DNAJC12: variants seen among roughly 807,000 people sequenced by gnomAD.
DNAJC12 encodes the protein DnaJ heat shock protein family (Hsp40) member C12.
A neutral mutation model predicts 28.5 loss-of-function variants in DNAJC12; 25 were observed. That is an observed-to-expected ratio of 0.88 (90% confidence interval 0.64 to 1.22). The LOEUF is 1.22. DNAJC12 is among the 50% of genes most tolerant of loss of function. The pLI is 0.00. For missense variants in DNAJC12, 222 were observed against 231.7 expected, an observed-to-expected ratio of 0.96 and a Z score of 0.27; for synonymous variants, 77 against 80.6, an observed-to-expected ratio of 0.95 and a Z score of 0.24.
At chr10:67,805,010 T>A (rs1283671698) in intron 4 of DNAJC12, among the ~76,000 whole-genome samples, 1 of 152,152 alleles carries the variant, frequency 6.6e-6, no homozygotes, top group Non-Finnish European at 1.5e-5. Context: ...CCAGCCTAGA[T>A]GACAGAGTGA....
chr10:67,838,089 T>A lies in DNAJC12; in HGVS notation c.-78A>T. On this transcript the variant is annotated 5_prime_UTR_variant, in exon 1 of 5. It removes the in-frame stop codon of an upstream open reading frame in the 5' UTR. Transcript: ENST00000225171. The stretch of plus-strand genomic sequence containing the variant: ...TTCGAATTAACAGGAAGAAACTCTT[T>A]AAATCTGAATTAGAGCAGCATGTTC... The A allele has an allele frequency of 1.0e-6, 1 of 964,348 alleles. No individual in the cohort carries two copies. Among genetic ancestry groups the A allele is most frequent in the Non-Finnish European group, 1.6e-6 (1 of 623,458 alleles). 59.7% of individuals were successfully genotyped at this position (964,348 alleles called of 1,614,324 possible). A position where few individuals can be genotyped will look rare whatever the true frequency, so the allele number is the denominator to read the frequency against.
intron 1 of DNAJC12, among the ~76,000 whole-genome samples, chr10:67,832,751 A>C (rs531151057): frequency 9.8e-5 from 15 of 152,342 alleles, no homozygotes; most frequent in Admixed American, 9.8e-4. Flanking sequence ...GAGAAGAAAC[A>C]GGACAGTCTC....
intron 1 of DNAJC12, among the ~76,000 whole-genome samples, chr10:67,837,049 A>C (rs748480635): frequency 6.6e-6 from 1 of 151,614 alleles, no homozygotes; most frequent in African/African-American, 2.4e-5. Context: ...CAATAAGAGA[A>C]TAATTCAACT....
chr10:67,818,720 G>A (rs927750976), intron 2 of DNAJC12, among the ~76,000 whole-genome samples: 11 of 151,774 alleles, frequency 7.2e-5, no homozygotes, highest in Non-Finnish European at 1.2e-4. Context: ...GCAGTGGCGC[G>A]ATCTCGGCTC....
intron 1 of DNAJC12, chr10:67,827,831 A>G (rs1490423091): frequency 6.6e-6 from 1 of 152,204 alleles, no homozygotes; most frequent in Non-Finnish European, 1.5e-5. Flanking sequence ...AAAAATTAAG[A>G]AAGTCTATAT....
At chr10:67,816,785 G>T (rs1307731438) in intron 2 of DNAJC12, among the ~76,000 whole-genome samples, 1 of 152,118 alleles carries the variant, frequency 6.6e-6, no homozygotes, top group Non-Finnish European at 1.5e-5. Flanking sequence ...GACCTCATGT[G>T]ATCTGCCCAC....
chr10:67,819,514 C>T (rs1841950221), intron 2 of DNAJC12, among the ~76,000 whole-genome samples: 1 of 151,188 alleles, frequency 6.6e-6, no homozygotes, highest in African/African-American at 2.4e-5. Flanking sequence ...TGGCGCACGC[C>T]TGTAATCCCA....
chr10:67,808,653 T>C (rs1243939529), intron 3 of DNAJC12: 1 of 152,096 alleles, frequency 6.6e-6, no homozygotes, highest in African/African-American at 2.4e-5. Flanking sequence ...AAAATTTTGT[T>C]TACATGCCAG....
At chr10:67,819,678 G>GAA (rs1214511739) in intron 2 of DNAJC12, among the ~76,000 whole-genome samples, 6 of 5,690 alleles carry the variant, frequency 1.1e-3, no homozygotes, top group African/African-American at 3.1e-3. Context: ...AAGAAAGAAA[G>GAA]AAAGAAAGAA....
chr10:67,796,683 ATTAT>A lies in DNAJC12; in HGVS notation c.*429_*432del, dbSNP rs1351562411. The A allele has an allele frequency of 6.6e-6, 1 of 152,496 alleles. No homozygotes were observed. The highest frequency in any genetic ancestry group is 2.4e-5 in the African/African-American group (1 of 41,470). The allele number at this position is 152,496 out of a possible 1,614,324, so 9.4% of individuals were successfully genotyped here. On this transcript the variant is annotated 3_prime_UTR_variant, in exon 5 of 5. Coordinates refer to ENST00000225171, the MANE Select transcript of DNAJC12 (RefSeq NM_021800.3). ...AAATTCATTTATGAACTTTGGGAAA[ATTAT>A]TTATTTCTCCCCACGGGGTTCAGAC...
In DNAJC12 at chr10:67,823,366, T is replaced by C; in HGVS notation, c.105A>G (p.Lys35=). 1 of 1,614,112 alleles carries C rather than the reference T, an allele frequency of 6.2e-7. No individual in the cohort carries two copies. Among genetic ancestry groups the C allele is most frequent in the Non-Finnish European group, 8.5e-7 (1 of 1,180,008 alleles). Residue 35 remains lysine (K), a synonymous_variant, in exon 2 of 5, where the codon AAA becomes AAG. Transcript: ENST00000225171. ...CTGGGTGACATTCCAGAGCTCTGAC[T>C]TTAAATTCTGCCAGGATTTGTTCAA... ...SSVEQILAEF[K]VRALECHPDK... is the part of the protein sequence containing the mutation.
chr10:67,827,678 C>T (rs1387448240), intron 1 of DNAJC12: 1 of 60,636 alleles, frequency 1.6e-5, no homozygotes, highest in East Asian at 4.7e-4. Context: ...AAGAGTGAAA[C>T]TCCATCTCAA....
chr10:67,805,400 G>C (rs573686415), intron 4 of DNAJC12, among the ~76,000 whole-genome samples, 183 bp downstream of exon 4: 1 of 152,186 alleles, frequency 6.6e-6, no homozygotes, highest in African/African-American at 2.4e-5. Context: ...ATTGTCTCAA[G>C]GTTTCCCTTC....
chr10:67,833,061 CAA>C (rs1296646695), intron 1 of DNAJC12, among the ~76,000 whole-genome samples: 3 of 152,148 alleles, frequency 2.0e-5, no homozygotes, highest in African/African-American at 7.2e-5. Context: ...TCATGAAAGA[CAA>C]AGAAGGTAGA....
chr10:67,805,819 T>A, intron 3 of DNAJC12, 32 bp from the exon 4 acceptor site: 1 of 1,479,574 alleles, frequency 6.8e-7, no homozygotes, highest in African/African-American at 1.4e-5. Flanking sequence ...ATATAAAAAT[T>A]AAATTGATAT....
intron 2 of DNAJC12, among the ~76,000 whole-genome samples, chr10:67,812,864 CA>C (rs1160793588): frequency 1.4e-5 from 2 of 143,576 alleles, no homozygotes; most frequent in Non-Finnish European, 3.0e-5. Context: ...AAAAAAAAAA[CA>C]AAAAAAAGTA....
intron 1 of DNAJC12, among the ~76,000 whole-genome samples, chr10:67,836,891 A>T (rs956517546): frequency 6.6e-6 from 1 of 150,970 alleles, no homozygotes; most frequent in African/African-American, 2.4e-5. Flanking sequence ...AGATTTTAAT[A>T]AAAATAAATA....
At chr10:67,816,664 G>T (rs574170750) in intron 2 of DNAJC12, among the ~76,000 whole-genome samples, 155 of 151,242 alleles carry the variant, frequency 1.0e-3, no homozygotes, top group Non-Finnish European at 1.7e-3. Context: ...TCCTGCCTCA[G>T]CCTCCACAGT....
chr10:67,815,456 C>T (rs1359640366), intron 2 of DNAJC12, among the ~76,000 whole-genome samples: 1 of 135,386 alleles, frequency 7.4e-6, no homozygotes, highest in Non-Finnish European at 1.5e-5. Context: ...TTCGGTGAGC[C>T]GTGATCACAC....
Sources: allele counts gnomAD v4.1 joint callset (sites outside exome capture counted in the v4.1 genomes callset), GRCh38; gene constraint gnomAD v4.1.1; transcripts MANE v1.5; gene names NCBI Gene and HGNC (gene_info 2026-07-23, HGNC 2026-07-21).